ANK2: variants seen among roughly 807,000 people sequenced by gnomAD.
ANK2 encodes ankyrin-2.
In ANK2, 83 loss-of-function variants were observed where a neutral mutation model predicts 360.5. The ratio of observed to expected loss-of-function variants is 0.23; its 90% CI spans 0.19 to 0.28. The LOEUF is 0.28. Ranked by LOEUF, ANK2 falls within the 10% of genes least tolerant of loss-of-function variation. The pLI is 1.00. For missense variants in ANK2, 4,201 were observed against 4,795.7 expected, an observed-to-expected ratio of 0.88 and a Z score of 3.66; for synonymous variants, 1,740 against 1,759.5, an observed-to-expected ratio of 0.99 and a Z score of 0.28.
At chr4:113,303,742 A>G (rs1437796468) in intron 23 of ANK2, among the ~76,000 whole-genome samples, 1 of 152,236 alleles carries the variant, frequency 6.6e-6, no homozygotes, top group African/African-American at 2.4e-5. Context: ...TCACGCAACC[A>G]AGTTTCAATA....
At chr4:113,266,799 C>T (rs2056293301) in intron 14 of ANK2, among the ~76,000 whole-genome samples, 2 of 152,174 alleles carry the variant, frequency 1.3e-5, no homozygotes, top group African/African-American at 2.4e-5. Flanking sequence ...ATCTCTTGAA[C>T]CCGGGAGGCG....
chr4:113,124,966 T>C (rs539235715), intron 1 of ANK2, among the ~76,000 whole-genome samples: 31 of 152,122 alleles, frequency 2.0e-4, no homozygotes, highest in African/African-American at 7.5e-4. Context: ...CCCCATCTCT[T>C]TTAAAAAAAA....
At chr4:112,749,763 T>G in the ANK2 span, among the ~76,000 whole-genome samples, 1 of 152,118 alleles carries the variant, frequency 6.6e-6, no homozygotes, top group African/African-American at 2.4e-5. Flanking sequence ...CTGTTTTGTT[T>G]TGAGACAGAG....
chr4:112,762,983 A>G, the ANK2 span, among the ~76,000 whole-genome samples: 3 of 152,280 alleles, frequency 2.0e-5, no homozygotes, highest in Middle Eastern at 3.2e-3. Context: ...TCTAAATTCA[A>G]CGTTTCACTG....
chr4:112,992,631 T>G (rs1036205432), intron 2 of ANK2, among the ~76,000 whole-genome samples: 2 of 152,188 alleles, frequency 1.3e-5, no homozygotes, highest in African/African-American at 4.8e-5. Flanking sequence ...AGCTTCTCAC[T>G]GTGTTCTCAC....
the ANK2 span, among the ~76,000 whole-genome samples, chr4:112,750,406 T>C: frequency 6.6e-6 from 1 of 152,172 alleles, no homozygotes; most frequent in African/African-American, 2.4e-5. Context: ...ACATACCTTT[T>C]CTATGTTTAA....
In ANK2 at chr4:113,381,744, G is replaced by A. The variant is rs573547525; in HGVS notation, c.*273G>A. 1.6e-5 allele frequency: 19 copies of A among 1,221,722 alleles called. No homozygotes were observed. The highest frequency in any genetic ancestry group is 1.1e-4 in the Admixed American group (5 of 46,640). 75.7% of individuals were successfully genotyped at this position (1,221,722 alleles called of 1,614,324 possible). On this transcript the variant is annotated 3_prime_UTR_variant, in exon 46 of 46. Coordinates refer to ENST00000357077, the MANE Select transcript of ANK2 (RefSeq NM_001148.6). ...ACTGGCCTAATTAATGGGATACCCC[G>A]ACATTTCCACTGTTAGCAAATATAC...
At chr4:113,295,004 C>T (rs997240714) in intron 22 of ANK2, among the ~76,000 whole-genome samples, 1 of 152,206 alleles carries the variant, frequency 6.6e-6, no homozygotes, top group African/African-American at 2.4e-5. Flanking sequence ...CACACCTGTT[C>T]TGCCATTAGA....
At chr4:113,255,693 A>G (rs75846825) in intron 10 of ANK2, 42 bp from the exon 11 acceptor site, 3 of 943,814 alleles carry the variant, frequency 3.2e-6, no homozygotes, top group East Asian at 3.4e-5. Context: ...GAAAATAATG[A>G]AAAAAAAAAA....
At chr4:113,244,233 C>T (rs919894567) in intron 9 of ANK2, among the ~76,000 whole-genome samples, 17 of 122,074 alleles carry the variant, frequency 1.4e-4, no homozygotes, top group African/African-American at 4.4e-4. Flanking sequence ...TTCATTTATT[C>T]CTTAAACAAA....
At chr4:113,281,606 C>T (rs1051269646) in intron 17 of ANK2, among the ~76,000 whole-genome samples, 3 of 152,120 alleles carry the variant, frequency 2.0e-5, no homozygotes, top group Non-Finnish European at 4.4e-5. Flanking sequence ...TGCTCTCTTT[C>T]CCTTCAGCAT....
intron 1 of ANK2, among the ~76,000 whole-genome samples, chr4:112,886,644 A>G (rs1371229755): frequency 6.6e-6 from 1 of 152,204 alleles, no homozygotes; most frequent in Non-Finnish European, 1.5e-5. Context: ...CTTGGGCGAC[A>G]GAGCGAGACT....
intron 45 of ANK2, 33 bp downstream of exon 45, chr4:113,373,482 A>T (rs1173436718): frequency 2.5e-6 from 4 of 1,607,028 alleles, no homozygotes; most frequent in Non-Finnish European, 3.4e-6. Flanking sequence ...AACCCATTTG[A>T]TGGAGAGGAA....
intron 1 of ANK2, among the ~76,000 whole-genome samples, chr4:113,070,673 C>G (rs567321647): frequency 2.0e-5 from 3 of 152,164 alleles, no homozygotes; most frequent in South Asian, 4.2e-4. Flanking sequence ...TGGGTAGCAA[C>G]TACTCCTGCT....
At chr4:113,337,748 G>C (rs1046467340) in intron 31 of ANK2, among the ~76,000 whole-genome samples, 1 of 152,074 alleles carries the variant, frequency 6.6e-6, no homozygotes, top group Non-Finnish European at 1.5e-5. Context: ...TGAGTGGGGG[G>C]AAATCATATG....
In ANK2 at chr4:113,202,154, A is replaced by G. The variant is rs188026004; in HGVS notation, c.384+3045A>G. On this transcript the variant is annotated intron_variant, in intron 4 of 45. Coordinates refer to ENST00000357077, the MANE Select transcript of ANK2 (RefSeq NM_001148.6). ...TAGTTGAAAAAAAGTATTATTACTT[A>G]GAATATTTTATAATATAATGATTAA... is the stretch of plus-strand genomic sequence containing the variant. Among the ~76,000 whole-genome samples, 8 of 152,294 alleles carry G rather than the reference A, an allele frequency of 5.3e-5. No individual in the cohort carries two copies. The East Asian group carries it at 9.6e-4, about 18-fold the overall frequency.
At chr4:113,228,819 A>T (rs1404249709) in intron 4 of ANK2, among the ~76,000 whole-genome samples, 10 of 151,804 alleles carry the variant, frequency 6.6e-5, no homozygotes, top group Non-Finnish European at 1.0e-4. Flanking sequence ...CTTGCAATAT[A>T]TTTTTTTTTA....
the ANK2 span, among the ~76,000 whole-genome samples, chr4:112,729,154 C>G: frequency 9.2e-5 from 14 of 152,048 alleles, no homozygotes; most frequent in South Asian, 2.5e-3. Flanking sequence ...GGCATGTTTG[C>G]CCCACTACAC....
Position 113,311,393 on chromosome 4 carries a change from C to G in ANK2, c.2687C>G (p.Ser896Cys). 5 of 1,614,044 alleles carry G rather than the reference C, an allele frequency of 3.1e-6. No individual in the cohort carries two copies. Among genetic ancestry groups the G allele is most frequent in the Non-Finnish European group, 4.2e-6 (5 of 1,180,006 alleles). The change falls in exon 24 of 46, where the codon TCT becomes TGT. Residue 896 changes from serine (S) to cysteine (C), a missense_variant. Physicochemically the swap from Ser to Cys is moderately radical, Grantham distance 112. Around this residue, in one of 4 missense-constraint regions of ANK2, gnomAD observed 1,268 missense variants for 1,650.8 expected, o/e 0.77. Transcript: ENST00000357077. Reference protein sequence around the residue: ...YLRYSLEGGRSDSLRSFSSDR... With the variant: ...YLRYSLEGGRCDSLRSFSSDR... ...CGATACAGCTTGGAGGGAGGACGAT[C>G]TGACAGGTATCTCATAAAACTTATA... is the stretch of plus-strand genomic sequence containing the variant.
Sources: allele counts gnomAD v4.1 joint callset (sites outside exome capture counted in the v4.1 genomes callset), GRCh38; gene constraint gnomAD v4.1.1; regional missense constraint gnomAD v4.1.1; transcripts MANE v1.5; gene names NCBI Gene and HGNC (gene_info 2026-07-23, HGNC 2026-07-21).